The following DMRT1 variants were observed in gnomAD, a reference collection of about 807,000 sequenced individuals.
The protein encoded by DMRT1 is doublesex- and mab-3-related transcription factor 1.
Under a neutral mutation model 32.3 loss-of-function variants are expected in DMRT1, and 7 were observed. The observed-to-expected ratio is 0.22, with a 90% CI of 0.12 to 0.41. DMRT1 has a LOEUF of 0.41. Among genes scored for constraint, DMRT1 ranks in the 10% least tolerant of loss-of-function variants. DMRT1 has a pLI of 1.00. For synonymous variants in DMRT1, 278 were observed against 206.1 expected (o/e 1.35, Z -2.99); for missense variants, 625 against 500.5 (o/e 1.25, Z -2.37).
intron 4 of DMRT1, among the ~76,000 whole-genome samples, chr9:953,913 G>A (rs935545090): frequency 1.3e-5 from 2 of 152,190 alleles, no homozygotes; most frequent in Non-Finnish European, 2.9e-5. Flanking sequence ...CCCTCCTCTG[G>A]TCTGTAGGGG....
chr9:857,586 C>G (rs566439315), intron 2 of DMRT1, among the ~76,000 whole-genome samples: 9 of 152,126 alleles, frequency 5.9e-5, no homozygotes, highest in Non-Finnish European at 8.8e-5. Flanking sequence ...ATTCTGTTGC[C>G]CTAAAACTTG....
At chr9:957,269 A>G (rs1006452082) in intron 4 of DMRT1, among the ~76,000 whole-genome samples, 6 of 152,258 alleles carry the variant, frequency 3.9e-5, no homozygotes, top group South Asian at 2.1e-4. Flanking sequence ...CACAGTAACA[A>G]TAACATTCCA....
chr9:960,998 C>A (rs2129996415), intron 4 of DMRT1, among the ~76,000 whole-genome samples: 1 of 152,300 alleles, frequency 6.6e-6, no homozygotes, highest in Non-Finnish European at 1.5e-5. Context: ...GAACGTAGCA[C>A]TTAATGGGGC....
chr9:880,290 G>A (rs140299312), intron 2 of DMRT1, among the ~76,000 whole-genome samples: 17 of 152,262 alleles, frequency 1.1e-4, no homozygotes, highest in Middle Eastern at 3.4e-3. Flanking sequence ...TTAAAAAGAC[G>A]TGTACTCTGA....
At chr9:897,618 A>G (rs1817422208) in intron 3 of DMRT1, among the ~76,000 whole-genome samples, 1 of 151,732 alleles carries the variant, frequency 6.6e-6, no homozygotes, top group South Asian at 2.1e-4. Context: ...AATTAAGTAG[A>G]TTTTGCATTC....
chr9:922,721 C>G (rs1438956545), intron 4 of DMRT1, among the ~76,000 whole-genome samples: 1 of 152,206 alleles, frequency 6.6e-6, no homozygotes, highest in African/African-American at 2.4e-5. Context: ...GAGTGGCAGC[C>G]TGCCGTGCAA....
intron 1 of DMRT1, 43 bp downstream of exon 1, chr9:842,235 T>C (rs1157652293): frequency 7.0e-7 from 1 of 1,437,876 alleles, no homozygotes; most frequent in East Asian, 2.9e-5. Flanking sequence ...CCTTAGTTTT[T>C]TTTTTTTTTT....
At chr9:908,026 A>G (rs1376744211) in intron 3 of DMRT1, among the ~76,000 whole-genome samples, 2 of 152,232 alleles carry the variant, frequency 1.3e-5, no homozygotes, top group African/African-American at 4.8e-5. Context: ...TTAAAAAAAT[A>G]ATTTGGCCTT....
chr9:862,527 G>T (rs541362000), intron 2 of DMRT1, among the ~76,000 whole-genome samples: 1 of 149,230 alleles, frequency 6.7e-6, no homozygotes, highest in Non-Finnish European at 1.5e-5. Context: ...GGGGGAGGGG[G>T]AGGGGGAGGG....
intron 1 of DMRT1, among the ~76,000 whole-genome samples, chr9:843,226 T>A (rs2132534645): frequency 6.6e-6 from 1 of 152,350 alleles, no homozygotes; most frequent in Admixed American, 6.5e-5. Context: ...CTCGGCCGGC[T>A]GCTGCTTACG....
chr9:858,718 A>G lies in DMRT1; in HGVS notation c.538+11575A>G, dbSNP rs551418959. On this transcript the variant is annotated intron_variant, in intron 2 of 4. Transcript: ENST00000382276. ...GCGAATCCCTGTCTCTACTAAAAAT[A>G]CAAAAATTAGTTAGACATGGTGGTG... Among the ~76,000 whole-genome samples, 378 of 152,102 alleles carry G rather than the reference A, an allele frequency of 2.5e-3. 2 individuals are homozygous for G. The highest frequency in any genetic ancestry group is 8.7e-3 in the African/African-American group (361 of 41,514).
At chr9:863,663 G>C (rs569969826) in intron 2 of DMRT1, among the ~76,000 whole-genome samples, 9 of 152,200 alleles carry the variant, frequency 5.9e-5, no homozygotes, top group Non-Finnish European at 7.3e-5. Context: ...GACAGAGACT[G>C]GCGTCAGATT....
chr9:947,504 C>G (rs1819284581), intron 4 of DMRT1, among the ~76,000 whole-genome samples: 1 of 152,208 alleles, frequency 6.6e-6, no homozygotes, highest in African/African-American at 2.4e-5. Context: ...TTTATTCTGA[C>G]TTTGAGCAGG....
At chr9:958,156 C>G (rs1819659161) in intron 4 of DMRT1, among the ~76,000 whole-genome samples, 1 of 152,164 alleles carries the variant, frequency 6.6e-6, no homozygotes, top group Middle Eastern at 3.4e-3. Context: ...AATGTTCACC[C>G]TAAATAGTAT....
At chr9:859,444 G>T (rs1207661078) in intron 2 of DMRT1, among the ~76,000 whole-genome samples, 1 of 152,038 alleles carries the variant, frequency 6.6e-6, no homozygotes, top group Non-Finnish European at 1.5e-5. Context: ...GGGTCCCCTG[G>T]GGCTCTCAGT....
At chr9:861,919 GGC>G (rs1251259851) in intron 2 of DMRT1, among the ~76,000 whole-genome samples, 5 of 150,600 alleles carry the variant, frequency 3.3e-5, no homozygotes, top group Non-Finnish European at 5.9e-5. Context: ...GCGGGGCAGA[GGC>G]GCTCCCAACA....
At chr9:858,961 C>T (rs193210783) in intron 2 of DMRT1, among the ~76,000 whole-genome samples, 1 of 151,832 alleles carries the variant, frequency 6.6e-6, no homozygotes, top group Non-Finnish European at 1.5e-5. Context: ...TAATGTGCAA[C>T]TGTCACCACC....
chr9:844,603 G>A (rs115463083), intron 1 of DMRT1, among the ~76,000 whole-genome samples: 6,304 of 151,774 alleles, frequency 0.042, 399 homozygotes, highest in African/African-American at 0.14. Flanking sequence ...TTTCTAAGTC[G>A]AAGACTTTTT....
At chr9:934,983 A>AT (rs1818840089) in intron 4 of DMRT1, among the ~76,000 whole-genome samples, 1 of 152,206 alleles carries the variant, frequency 6.6e-6, no homozygotes, top group Non-Finnish European at 1.5e-5. Context: ...TGTCTCAACT[A>AT]TATCTTTCCT....
Sources: gnomAD v4.1 joint callset for allele counts (sites outside exome capture counted in the v4.1 genomes callset) on GRCh38, gnomAD v4.1.1 for gene constraint, MANE v1.5 for transcripts, NCBI Gene and HGNC (gene_info 2026-07-23, HGNC 2026-07-21) for gene names.